RYR2: variants seen among roughly 807,000 people sequenced by gnomAD.
RYR2 encodes cardiac muscle ryanodine receptor-calcium release channel.
Under a neutral mutation model 601.1 loss-of-function variants are expected in RYR2, and 227 were observed. The ratio of observed to expected loss-of-function variants is 0.38; its 90% confidence interval spans 0.34 to 0.42. The LOEUF (loss-of-function observed/expected upper bound fraction) is 0.42, where lower values mean the gene tolerates loss of function less well. RYR2 is among the 10% of genes least tolerant of loss of function. The probability of loss-of-function intolerance (pLI) is 1.00; values close to 1 mark genes in which losing one functional copy is unlikely to be tolerated. For missense variants in RYR2, 4,646 were observed against 6,156.5 expected, an observed-to-expected ratio of 0.75 and a Z score of 8.21; for synonymous variants, 2,223 against 2,175.1, an observed-to-expected ratio of 1.02 and a Z score of -0.61.
At chr1:237,744,726 A>AAT (rs1691924954) in intron 80 of RYR2, among the ~76,000 whole-genome samples, 1 of 151,794 alleles carries the variant, frequency 6.6e-6, no homozygotes, top group Non-Finnish European at 1.5e-5. Context: ...TTTTAAAAAA[A>AAT]AAAAAAGTGA....
At chr1:237,503,228 G>A in intron 21 of RYR2, 61 bp from the exon 22 acceptor site, 1 of 1,446,120 alleles carries the variant, frequency 6.9e-7, no homozygotes, top group Non-Finnish European at 9.4e-7. Context: ...AAGATTTTGT[G>A]AATTAGAAAA....
intron 82 of RYR2, among the ~76,000 whole-genome samples, chr1:237,759,091 T>TTTTTG (rs926335501): frequency 2.6e-5 from 4 of 152,104 alleles, no homozygotes; most frequent in Admixed American, 6.5e-5. Context: ...TGTTCGGGGT[T>TTTTTG]TTTTGTTTTG....
At chr1:237,276,837 G>A (rs1486583481) in intron 2 of RYR2, among the ~76,000 whole-genome samples, 3 of 152,066 alleles carry the variant, frequency 2.0e-5, no homozygotes, top group African/African-American at 4.8e-5. Flanking sequence ...GACAAGACAC[G>A]CGCCAAGGTC....
At chr1:237,497,505 A>C (rs947548727) in intron 20 of RYR2, among the ~76,000 whole-genome samples, 1 of 152,228 alleles carries the variant, frequency 6.6e-6, no homozygotes, top group Non-Finnish European at 1.5e-5. Flanking sequence ...GATTCTGCAG[A>C]CATAAGCTTA....
At chr1:237,783,222 C>T (rs1439921784) in intron 89 of RYR2, among the ~76,000 whole-genome samples, 2 of 152,160 alleles carry the variant, frequency 1.3e-5, no homozygotes, top group East Asian at 3.8e-4. Context: ...TGTTGAACTT[C>T]AATTTCCTCA....
intron 12 of RYR2, among the ~76,000 whole-genome samples, chr1:237,434,446 A>G (rs1707144503): frequency 6.6e-6 from 1 of 152,240 alleles, no homozygotes; most frequent in African/African-American, 2.4e-5. Context: ...TACATAACGA[A>G]GAATGCTATT....
At chr1:237,208,527 A>T (rs1392296163) in intron 1 of RYR2, among the ~76,000 whole-genome samples, 1 of 152,102 alleles carries the variant, frequency 6.6e-6, no homozygotes, top group African/African-American at 2.4e-5. Context: ...GATGGACCTG[A>T]TTTTCAAAAT....
Position 237,731,337 on chromosome 1 carries a change from A to G in RYR2, c.10936-709A>G, listed in dbSNP as rs182708444. On this transcript the variant is annotated intron_variant, in intron 77 of 104. Transcript: ENST00000366574. The stretch of plus-strand genomic sequence containing the variant: ...AAAATGCTTAATAATTTTCCTCGCT[A>G]TTAAAGTTCTATCCGATAGTAAAAA... 2.8e-3 allele frequency among the ~76,000 whole-genome samples: 424 copies of G among 152,258 alleles called. 5 individuals are homozygous for G. Among genetic ancestry groups the G allele is most frequent in the Non-Finnish European group, 3.7e-3 (255 of 68,008 alleles).
intron 100 of RYR2, among the ~76,000 whole-genome samples, chr1:237,809,330 A>G (rs991972748): frequency 2.4e-4 from 37 of 152,242 alleles, no homozygotes; most frequent in African/African-American, 8.4e-4. Flanking sequence ...ATCCCAGGAC[A>G]ACGGGTAAAA....
intron 1 of RYR2, among the ~76,000 whole-genome samples, chr1:237,209,807 G>A (rs1682366238): frequency 6.6e-6 from 1 of 152,166 alleles, no homozygotes; most frequent in Non-Finnish European, 1.5e-5. Flanking sequence ...AGTGACCTAT[G>A]ATTGTGCCAC....
intron 17 of RYR2, among the ~76,000 whole-genome samples, chr1:237,471,909 C>T (rs902125137): frequency 6.6e-6 from 1 of 152,170 alleles, no homozygotes; most frequent in African/African-American, 2.4e-5. Context: ...GGAAAAGAAA[C>T]TGAGGCAAAG....
At chr1:237,069,244 G>A (rs1664016277) in intron 1 of RYR2, among the ~76,000 whole-genome samples, 1 of 152,006 alleles carries the variant, frequency 6.6e-6, no homozygotes, top group Non-Finnish European at 1.5e-5. Flanking sequence ...AGAGAAAGTG[G>A]GAAAGATTAA....
At chr1:237,292,680 T>G (rs1692359736) in intron 2 of RYR2, among the ~76,000 whole-genome samples, 1 of 152,224 alleles carries the variant, frequency 6.6e-6, no homozygotes, top group African/African-American at 2.4e-5. Flanking sequence ...AATAATTTTT[T>G]GTCTTGTGTG....
Position 237,500,988 on chromosome 1 carries a change from T to C in RYR2, c.2396+85T>C, listed in dbSNP as rs184974901. 8 of 1,274,294 alleles carry C rather than the reference T, an allele frequency of 6.3e-6. No homozygotes were observed. The Admixed American group carries it at 1.4e-4, about 23-fold the overall frequency. The allele number at this position is 1,274,294 out of a possible 1,614,324, so 78.9% of individuals were successfully genotyped here. Reference sequence around the variant, plus strand: ...GACTCTGCACTGCCATTGCCCTTCTTCTCTAACCATTGTTTGTCTCTCCTG... The same window carrying C: ...GACTCTGCACTGCCATTGCCCTTCTCCTCTAACCATTGTTTGTCTCTCCTG... On this transcript the variant is annotated intron_variant, in intron 21 of 104. Coordinates refer to ENST00000366574, the MANE Select transcript of RYR2 (RefSeq NM_001035.3).
intron 13 of RYR2, among the ~76,000 whole-genome samples, chr1:237,444,375 G>T (rs79942783): frequency 0.03 from 4,623 of 152,060 alleles, 96 homozygotes; most frequent in Non-Finnish European, 0.052. Context: ...ATAATATTTT[G>T]CCTTTGAATA....
chr1:237,351,186 ATGGATACAGTTAAAACTG>A (rs1267301561), intron 3 of RYR2, among the ~76,000 whole-genome samples: 9 of 152,288 alleles, frequency 5.9e-5, no homozygotes, highest in Middle Eastern at 3.4e-3. Context: ...AGTGGAAAAC[ATGGATACAGTTAAAACTG>A]TGGATACAGT....
intron 100 of RYR2, among the ~76,000 whole-genome samples, chr1:237,813,885 T>G (rs948976743): frequency 1.3e-5 from 2 of 152,214 alleles, no homozygotes; most frequent in Non-Finnish European, 2.9e-5. Context: ...GTATATGTCT[T>G]AGATGTTTCT....
chr1:237,653,065 T>C (rs1181662250), intron 51 of RYR2, among the ~76,000 whole-genome samples: 1 of 152,214 alleles, frequency 6.6e-6, no homozygotes, highest in Non-Finnish European at 1.5e-5. Context: ...CAAGAATAAA[T>C]TATCCAAAGA....
intron 8 of RYR2, among the ~76,000 whole-genome samples, chr1:237,383,417 G>GTTTTTTTTTTTTTTTTTTTT (rs10567644): frequency 5.9e-5 from 3 of 50,560 alleles, no homozygotes; most frequent in Non-Finnish European, 1.1e-4. Flanking sequence ...CTTTTTTCTT[G>GTTTTTTTTTTTTTTTTTTTT]TTTTTTTTTT....
Sources: gnomAD v4.1 joint callset for allele counts (sites outside exome capture counted in the v4.1 genomes callset) on GRCh38, gnomAD v4.1.1 for gene constraint, MANE v1.5 for transcripts, NCBI Gene and HGNC (gene_info 2026-07-23, HGNC 2026-07-21) for gene names.